EXTL1: variants seen among roughly 807,000 people sequenced by gnomAD.
EXTL1 encodes the protein exostosin like glycosyltransferase 1, also known as exostosin-like 1.
Under a neutral mutation model 64.6 loss-of-function variants are expected in EXTL1, and 43 were observed. The ratio of observed to expected loss-of-function variants is 0.67; its 90% CI spans 0.52 to 0.86. The LOEUF is 0.86. Among genes scored for constraint, EXTL1 ranks in the 40% least tolerant of loss-of-function variants. The pLI is 0.00. For synonymous variants in EXTL1, 352 were observed against 360.5 expected (o/e 0.98, Z 0.27); for missense variants, 766 against 879.0 (o/e 0.87, Z 1.62).
intron 7 of EXTL1, among the ~76,000 whole-genome samples, chr1:26,032,853 G>C (rs2050302652): frequency 6.6e-6 from 1 of 152,180 alleles, no homozygotes; most frequent in Non-Finnish European, 1.5e-5. Context: ...CCGCATGGTT[G>C]TGGGCAAGTC....
At position 26,022,827 on chromosome 1, in the gene EXTL1, C is replaced by G. The variant is rs749621993; in HGVS notation, c.181C>G (p.Pro61Ala). 3.7e-6 allele frequency: 6 copies of G among 1,614,014 alleles called. No homozygotes were observed. In the South Asian group the frequency reaches 6.6e-5, roughly 18 times the overall value. ...AGAGCTCCTGCAGAGCTTCTCCCAGCCTGGAGAGCTCCCAGAAGATGCCGT... is the reference window on the plus strand; with the variant it reads ...AGAGCTCCTGCAGAGCTTCTCCCAGGCTGGAGAGCTCCCAGAAGATGCCGT... The part of the protein sequence containing the change: ...DAELLQSFSQ[P>A]GELPEDAVSP... The change falls in exon 1 of 11, where the codon CCT becomes GCT. Residue 61 changes from proline to alanine, a missense_variant. Coordinates refer to ENST00000374280, the MANE Select transcript of EXTL1 (RefSeq NM_004455.3).
At chr1:26,026,817 T>C (rs895103424) in intron 1 of EXTL1, among the ~76,000 whole-genome samples, 2 of 152,144 alleles carry the variant, frequency 1.3e-5, no homozygotes, top group Non-Finnish European at 2.9e-5. Context: ...CTATGGCAGG[T>C]ACCTTACATG....
chr1:26,022,931 C>T lies in EXTL1; in HGVS notation c.285C>T (p.Gly95=). ...CFDTSKCRGD[G]LKVFVYPAVG... ...ATACCTCAAAGTGCAGGGGCGATGGCCTTAAGGTATTCGTGTACCCAGCGG... is the reference window on the plus strand; with the variant it reads ...ATACCTCAAAGTGCAGGGGCGATGGTCTTAAGGTATTCGTGTACCCAGCGG... Residue 95 remains glycine (G), a synonymous_variant, in exon 1 of 11, where the codon GGC becomes GGT. Transcript: ENST00000374280. The T allele has an allele frequency of 6.2e-7, 1 of 1,614,150 alleles. No homozygotes were observed. The highest frequency in any genetic ancestry group is 8.5e-7 in the Non-Finnish European group (1 of 1,180,036).
At position 26,035,201 on chromosome 1, in the gene EXTL1, G is replaced by T; in HGVS notation, c.1885G>T (p.Ala629Ser). The T allele has an allele frequency of 6.2e-7, 1 of 1,611,820 alleles. No homozygotes were observed. The highest frequency in any genetic ancestry group is 8.5e-7 in the Non-Finnish European group (1 of 1,178,816). The change falls in exon 11 of 11, where the codon GCC becomes TCC. Residue 629 changes from alanine to serine, a missense_variant. This residue lies in a region of EXTL1 where 194 missense variants were observed against 214.5 expected (regional missense o/e 0.90). Transcript: ENST00000374280. This position sits in a 1 kb window ranked among gnomAD's most constrained non-coding sequence, Gnocchi z 5.3. The part of the protein sequence containing the change: ...GGPGPRPKPP[A>S]PAPDCINQIA... ...CCCGGGGCCCAGGCCAAAGCCGCCT[G>T]CCCCAGCCCCCGACTGCATCAACCA...
rs12070889 is a variant in EXTL1, at chr1:26,023,268, C to T, written c.622C>T (p.Arg208Ter). Residue 208 changes from arginine to a stop codon, truncating the protein, a stop_gained, in exon 1 of 11, where the codon CGA becomes TGA. Transcript: ENST00000374280. LOFTEE classifies it high-confidence loss of function. ...TTTTCTCCCTGAAGCCCACCCGTTG[C>T]GAGGTGGGGCTCCTGGCCAGCTGCG... ...LPFLPEAHPL[R>*]GGAPGQLRQH... 103 of 1,583,358 alleles carry T rather than the reference C, an allele frequency of 6.5e-5. No individual in the cohort carries two copies. Among genetic ancestry groups the T allele is most frequent in the Non-Finnish European group, 2.8e-5 (33 of 1,160,864 alleles).
chr1:26,032,151 T>C (rs2124411632), intron 6 of EXTL1: 2 of 469,920 alleles, frequency 4.3e-6, no homozygotes, highest in Non-Finnish European at 7.6e-6. Context: ...CACAGACAAC[T>C]CTCTTGAGTT....
rs1569678399 is a variant in EXTL1, at chr1:26,034,759, T to C, written c.1680-77T>C. ...TGGGGATGGGGGTCAAAGGGAGAGGTGAGGTCAGGAGGGAGGAGAATGGGG... is the reference window on the plus strand; with the variant it reads ...TGGGGATGGGGGTCAAAGGGAGAGGCGAGGTCAGGAGGGAGGAGAATGGGG... On this transcript the variant is annotated intron_variant, in intron 9 of 10. Coordinates refer to ENST00000374280, the MANE Select transcript of EXTL1 (RefSeq NM_004455.3). The surrounding 1 kb of genome is among the most constrained non-coding windows in gnomAD (Gnocchi z 4.6). 6.9e-7 allele frequency: 1 copy of C among 1,443,078 alleles called. No individual in the cohort carries two copies. The highest frequency in any genetic ancestry group is 1.4e-5 in the African/African-American group (1 of 71,212). The allele number at this position is 1,443,078 out of a possible 1,614,324, so 89.4% of individuals were successfully genotyped here. A position where few individuals can be genotyped will look rare whatever the true frequency, so the allele number is the denominator to read the frequency against.
chr1:26,033,972 C>G lies in EXTL1; in HGVS notation c.1679+116C>G. ...AGGGATCCAGGTTCAAGGCCGAGATCTGCCACTTCCCAGCTGTGGGATCCT... is the reference window on the plus strand; with the variant it reads ...AGGGATCCAGGTTCAAGGCCGAGATGTGCCACTTCCCAGCTGTGGGATCCT... On this transcript the variant is annotated intron_variant, in intron 9 of 10. Coordinates refer to ENST00000374280, the MANE Select transcript of EXTL1 (RefSeq NM_004455.3). The surrounding 1 kb of genome is among the most constrained non-coding windows in gnomAD (Gnocchi z 5.1). 4 of 859,270 alleles carry G rather than the reference C, an allele frequency of 4.7e-6. No individual in the cohort carries two copies. Among genetic ancestry groups the G allele is most frequent in the Non-Finnish European group, 6.6e-6 (4 of 603,128 alleles). The allele number at this position is 859,270 out of a possible 1,614,324, so 53.2% of individuals were successfully genotyped here. A position where few individuals can be genotyped will look rare whatever the true frequency, so the allele number is the denominator to read the frequency against.
At chr1:26,029,829 T>C in intron 3 of EXTL1, 122 bp downstream of exon 3, 2 of 649,508 alleles carry the variant, frequency 3.1e-6, no homozygotes, top group Non-Finnish European at 5.6e-6. Context: ...TACTGGTGAA[T>C]TTCTCCTAGC....
rs776106330 is a variant in EXTL1, at chr1:26,030,607, C to T, written c.1101+12C>T. 1.3e-6 allele frequency: 2 copies of T among 1,599,644 alleles called. No individual in the cohort carries two copies. The highest frequency in any genetic ancestry group is 1.7e-6 in the Non-Finnish European group (2 of 1,169,504). ...ATACCACTCTGGAGGTGAGGGGTCT[C>T]ACCTGATGGGGGTCCTGGCTCTTGA... On this transcript the variant is annotated intron_variant, in intron 4 of 10. Transcript: ENST00000374280.
intron 1 of EXTL1, among the ~76,000 whole-genome samples, chr1:26,023,990 A>G (rs1426056343): frequency 1.3e-5 from 2 of 152,200 alleles, no homozygotes; most frequent in Non-Finnish European, 2.9e-5. Flanking sequence ...CCTCACAGTC[A>G]CAGCTGGAAG....
At chr1:26,024,387 ATCC>A (rs1331355368) in intron 1 of EXTL1, among the ~76,000 whole-genome samples, 1 of 152,098 alleles carries the variant, frequency 6.6e-6, no homozygotes, top group Non-Finnish European at 1.5e-5. Context: ...TCACTCTGGT[ATCC>A]TCCTTTTGCT....
chr1:26,029,178 C>A lies in EXTL1; in HGVS notation c.780-15C>A, dbSNP rs778721587. The stretch of plus-strand genomic sequence containing the variant: ...AGGCTCATGTGTGGTGGGACCTCCC[C>A]ATGTGCCTCTTTAGGACCCAGCGCC... On this transcript the variant is annotated splice_polypyrimidine_tract_variant and intron_variant, in intron 1 of 10. Coordinates refer to ENST00000374280, the MANE Select transcript of EXTL1 (RefSeq NM_004455.3). The A allele has an allele frequency of 2.5e-6, 4 of 1,601,614 alleles. No homozygotes were observed. Among genetic ancestry groups the A allele is most frequent in the Non-Finnish European group, 3.4e-6 (4 of 1,169,432 alleles).
Position 26,029,708 on chromosome 1 carries a change from GTA to G in EXTL1, c.981+2_981+3del. 1 of 1,599,660 alleles carries G rather than the reference GTA, an allele frequency of 6.3e-7. No homozygotes were observed. Among genetic ancestry groups the G allele is most frequent in the African/African-American group, 1.3e-5 (1 of 74,758 alleles). On this transcript the variant is annotated splice_donor_variant and splice_donor_region_variant and intron_variant, in intron 3 of 10. Transcript: ENST00000374280. LOFTEE classifies it high-confidence loss of function. ...AGCTGATGAGAGGCTCCCACTTCAGGTAGCTCAGAGCCCTGCCCACAGGGTGG... is the reference window on the plus strand; with the variant it reads ...AGCTGATGAGAGGCTCCCACTTCAGGGCTCAGAGCCCTGCCCACAGGGTGG...
In EXTL1 at chr1:26,035,158, C is replaced by T; in HGVS notation, c.1849-7C>T. ...GCCCGTTAATGCATTGCTTCTTTCC[C>T]TCTTAGGCGCCTGGGGGCCCGGGGC... On this transcript the variant is annotated splice_polypyrimidine_tract_variant and splice_region_variant and intron_variant, in intron 10 of 10. Transcript: ENST00000374280. This position sits in a 1 kb window ranked among gnomAD's most constrained non-coding sequence, Gnocchi z 5.3. 5.0e-6 allele frequency: 8 copies of T among 1,598,774 alleles called. No homozygotes were observed. Among genetic ancestry groups the T allele is most frequent in the Non-Finnish European group, 6.0e-6 (7 of 1,171,132 alleles).
rs372041837 is a variant in EXTL1, at chr1:26,033,577, C to T, written c.1519-119C>T. The T allele has an allele frequency of 6.1e-5, 63 of 1,030,940 alleles. No individual in the cohort carries two copies. The highest frequency in any genetic ancestry group is 3.4e-4 in the African/African-American group (21 of 62,470). The allele number at this position is 1,030,940 out of a possible 1,614,324, so 63.9% of individuals were successfully genotyped here. A position where few individuals can be genotyped will look rare whatever the true frequency, so the allele number is the denominator to read the frequency against. On this transcript the variant is annotated intron_variant, in intron 8 of 10. Transcript: ENST00000374280. The surrounding 1 kb of genome is among the most constrained non-coding windows in gnomAD (Gnocchi z 5.1). ...AGCCAATTCCAAGTCTTGGCTCCCG[C>T]GCCCTCTCCCCTGAGTCCTGCCCGG...
chr1:26,026,253 A>AG (rs914644519), intron 1 of EXTL1, among the ~76,000 whole-genome samples: 1 of 151,684 alleles, frequency 6.6e-6, no homozygotes, highest in African/African-American at 2.4e-5. Flanking sequence ...AAAAAAAAAA[A>AG]AAAAAGGCAG....
At position 26,031,547 on chromosome 1, in the gene EXTL1, G is replaced by A; in HGVS notation, c.1322G>A (p.Gly441Asp). Residue 441 changes from glycine to aspartate, a missense_variant, in exon 6 of 11, where the codon GGC (glycine) becomes GAC (aspartate). By Grantham distance (94) the Gly-to-Asp change is moderately conservative (BLOSUM62 -1). Around this residue, in one of 3 missense-constraint regions of EXTL1, gnomAD observed 571 missense variants for 647.6 expected, o/e 0.88. Transcript: ENST00000374280. ...CTGAAGCTCATCCAGGCGGTGGCAG[G>A]CTCCCAGCACTGTGCCCAGGTCTGC... is the stretch of plus-strand genomic sequence containing the variant. ...PPLKLIQAVA[G>D]SQHCAQILVL... 6.3e-7 allele frequency: 1 copy of A among 1,593,624 alleles called. No homozygotes were observed.
At chr1:26,027,297 T>C (rs1211740454) in intron 1 of EXTL1, among the ~76,000 whole-genome samples, 1 of 152,194 alleles carries the variant, frequency 6.6e-6, no homozygotes, top group Non-Finnish European at 1.5e-5. Flanking sequence ...GTGACCTCTT[T>C]GGGCTTCAGT....
Sources: gnomAD v4.1 joint callset for allele counts (sites outside exome capture counted in the v4.1 genomes callset) on GRCh38, gnomAD v4.1.1 for gene constraint, gnomAD v4.1.1 regional missense constraint, Gnocchi (gnomAD v3.1) non-coding constraint, MANE v1.5 for transcripts, NCBI Gene and HGNC (gene_info 2026-07-23, HGNC 2026-07-21) for gene names.